The following FRRS1L variants were observed in gnomAD, a reference collection of about 807,000 sequenced individuals.
FRRS1L encodes DOMON domain-containing protein FRRS1L.
In FRRS1L, 22 loss-of-function variants were observed where a neutral mutation model predicts 28.6. That is an observed-to-expected ratio of 0.77 (90% CI 0.55 to 1.10). The LOEUF (loss-of-function observed/expected upper bound fraction) is 1.10, where lower values mean the gene tolerates loss of function less well. FRRS1L is among the 50% of genes least tolerant of loss of function. The probability of loss-of-function intolerance (pLI) is 0.00; values close to 1 mark genes in which losing one functional copy is unlikely to be tolerated. For synonymous variants in FRRS1L, 158 were observed against 151.4 expected, an observed-to-expected ratio of 1.04 and a Z score of -0.32; for missense variants, 380 against 386.9, an observed-to-expected ratio of 0.98 and a Z score of 0.15.
At chr9:109,164,014 C>T (rs1831511832) in intron 1 of FRRS1L, among the ~76,000 whole-genome samples, 1 of 152,198 alleles carries the variant, frequency 6.6e-6, no homozygotes, top group African/African-American at 2.4e-5. Flanking sequence ...TTCTGGGACA[C>T]CCCTCTCTCC....
chr9:109,149,715 G>C lies in FRRS1L; in HGVS notation c.244C>G (p.Pro82Ala), dbSNP rs761224976. Residue 82 changes from proline to alanine, a missense_variant, in exon 2 of 5, where the codon CCC becomes GCC. By Grantham distance (27) the Pro-to-Ala change is conservative. Coordinates refer to ENST00000561981, the MANE Select transcript of FRRS1L (RefSeq NM_014334.4). The stretch of plus-strand genomic sequence containing the variant: ...TCCACAGGAGGAGCAGTAGGGAAGG[G>C]GTAACCTGGGCAGTGAGAATAAAGA... ...DLRYLSEEGY[P>A]FPTAPPVDPF... 14 of 1,608,966 alleles carry C rather than the reference G, an allele frequency of 8.7e-6. No homozygotes were observed. The highest frequency in any genetic ancestry group is 1.7e-5 in the Admixed American group (1 of 59,972).
At chr9:109,162,321 C>CA (rs1831489486) in intron 1 of FRRS1L, among the ~76,000 whole-genome samples, 1 of 152,176 alleles carries the variant, frequency 6.6e-6, no homozygotes, top group African/African-American at 2.4e-5. Context: ...GTCTCAAAAA[C>CA]AAAAACGAAA....
At chr9:109,150,087 A>G (rs913460327) in intron 1 of FRRS1L, 1 of 162,382 alleles carries the variant, frequency 6.2e-6, no homozygotes, top group Admixed American at 6.3e-5. Context: ...TAACAGTGAT[A>G]CATTTATATA....
In FRRS1L at chr9:109,147,080, C is replaced by T; in HGVS notation, c.433G>A (p.Ala145Thr). The change falls in exon 3 of 5, where the codon GCA (alanine) becomes ACA (threonine). Residue 145 changes from alanine (A) to threonine (T), a missense_variant. Physicochemically the swap from Ala to Thr is moderately conservative, Grantham distance 58. Transcript: ENST00000561981. ...TTCTTGTCTGAAGAGAATCCAACTG[C>T]TACCCAACCATCTGTGTCTGCACTC... The part of the protein sequence containing the change: ...ELSADTDGWV[A>T]VGFSSDKKMG... The T allele has an allele frequency of 6.2e-7, 1 of 1,613,986 alleles. No homozygotes were observed. Among genetic ancestry groups the T allele is most frequent in the East Asian group, 2.2e-5 (1 of 44,888 alleles).
At chr9:109,159,346 T>C (rs1831452107) in intron 1 of FRRS1L, among the ~76,000 whole-genome samples, 1 of 152,178 alleles carries the variant, frequency 6.6e-6, no homozygotes, top group South Asian at 2.1e-4. Flanking sequence ...CCTGAATGTT[T>C]CTTTAAGCGT....
At chr9:109,150,058 T>C in intron 1 of FRRS1L, 1 of 182,564 alleles carries the variant, frequency 5.5e-6, no homozygotes, top group Non-Finnish European at 1.1e-5. Flanking sequence ...ACAATATACA[T>C]GTTCTAAGAG....
At chr9:109,144,293 T>C (rs1831226185) in intron 3 of FRRS1L, among the ~76,000 whole-genome samples, 1 of 152,198 alleles carries the variant, frequency 6.6e-6, no homozygotes, top group Admixed American at 6.5e-5. Flanking sequence ...AGCCACTGCT[T>C]AGACTGCTTA....
rs377165402 is a variant in FRRS1L, at chr9:109,141,502, C to T, written c.550G>A (p.Glu184Lys). The T allele has an allele frequency of 1.2e-6, 2 of 1,614,126 alleles. No homozygotes were observed. Among genetic ancestry groups the T allele is most frequent in the Non-Finnish European group, 1.7e-6 (2 of 1,180,012 alleles). Residue 184 changes from glutamate (E) to lysine (K), a missense_variant, in exon 4 of 5, where the codon GAG becomes AAG. Transcript: ENST00000561981. Reference protein sequence around the residue: ...HFYNVGQWAKEIQRNPARDEE... With the variant: ...HFYNVGQWAKKIQRNPARDEE... ...TCTCTGGCAGGGTTTCTCTGAATCT[C>T]CTTTGCCCACTGGCCTACATTATAG... is the stretch of plus-strand genomic sequence containing the variant.
intron 1 of FRRS1L, among the ~76,000 whole-genome samples, chr9:109,155,118 C>T (rs1285620086): frequency 6.6e-5 from 10 of 152,214 alleles, no homozygotes; most frequent in African/African-American, 2.4e-4. Flanking sequence ...ACTGCATTAG[C>T]CTGTTCATGG....
intron 3 of FRRS1L, among the ~76,000 whole-genome samples, chr9:109,146,809 G>A (rs1428264465): frequency 6.6e-6 from 1 of 152,146 alleles, no homozygotes; most frequent in African/African-American, 2.4e-5. Flanking sequence ...TTATAACATG[G>A]GGGCCTCTTC....
At position 109,147,060 on chromosome 9, in the gene FRRS1L, G is replaced by T. The variant is rs1430255629; in HGVS notation, c.453C>A (p.Asp151Glu). 4.3e-6 allele frequency: 7 copies of T among 1,613,644 alleles called. No individual in the cohort carries two copies. Among genetic ancestry groups the T allele is most frequent in the Non-Finnish European group, 5.9e-6 (7 of 1,179,724 alleles). Residue 151 changes from aspartate to glutamate, a missense_variant, in exon 3 of 5, where the codon GAC becomes GAA. Asp to Glu is a conservative substitution (Grantham distance 45, BLOSUM62 2). Coordinates refer to ENST00000561981, the MANE Select transcript of FRRS1L (RefSeq NM_014334.4). ...DGWVAVGFSS[D>E]KKMGGDDVMA... ...ATGTTTTGCATCTTACCATTTTCTT[G>T]TCTGAAGAGAATCCAACTGCTACCC...
At chr9:109,155,859 T>C (rs530741474) in intron 1 of FRRS1L, among the ~76,000 whole-genome samples, 42 of 152,146 alleles carry the variant, frequency 2.8e-4, no homozygotes, top group African/African-American at 9.9e-4. Flanking sequence ...GTTCTAAAAT[T>C]GATTGTGGTG....
At position 109,131,278 on chromosome 9, in the gene FRRS1L, A is replaced by G. The variant is rs1831054125; in HGVS notation, c.*6177T>C. Reference sequence around the variant, plus strand: ...AAGTCACATTCAACAGTGGTACTTTATATGTTCTTAACAATTCATATAATG... The same window carrying G: ...AAGTCACATTCAACAGTGGTACTTTGTATGTTCTTAACAATTCATATAATG... On this transcript the variant is annotated 3_prime_UTR_variant, in exon 5 of 5. Coordinates refer to ENST00000561981, the MANE Select transcript of FRRS1L (RefSeq NM_014334.4). The G allele has an allele frequency of 6.6e-6, 1 of 152,352 alleles. No individual in the cohort carries two copies. The allele number at this position is 152,352 out of a possible 1,614,324, so 9.4% of individuals were successfully genotyped here. A position where few individuals can be genotyped will look rare whatever the true frequency, so the allele number is the denominator to read the frequency against.
At chr9:109,166,277 C>T (rs1831547557) in intron 1 of FRRS1L, among the ~76,000 whole-genome samples, 1 of 152,088 alleles carries the variant, frequency 6.6e-6, no homozygotes, top group Non-Finnish European at 1.5e-5. Flanking sequence ...GTCTGCGGGC[C>T]CAGCAGGCCA....
intron 1 of FRRS1L, among the ~76,000 whole-genome samples, chr9:109,163,730 T>C (rs1436233586): frequency 6.6e-6 from 1 of 152,114 alleles, no homozygotes; most frequent in African/African-American, 2.4e-5. Context: ...ATTTGAGACA[T>C]AAGAAGGGGG....
intron 1 of FRRS1L, among the ~76,000 whole-genome samples, chr9:109,166,507 A>G (rs1010267579): frequency 6.6e-6 from 1 of 152,110 alleles, no homozygotes; most frequent in Admixed American, 6.5e-5. Flanking sequence ...GCTTCCCCCT[A>G]GCTGCCCTGG....
intron 3 of FRRS1L, among the ~76,000 whole-genome samples, chr9:109,144,207 T>C (rs567150101): frequency 3.3e-5 from 5 of 152,222 alleles, no homozygotes; most frequent in East Asian, 3.9e-4. Flanking sequence ...GTGGTACCCA[T>C]TGTCTTACTA....
At chr9:109,161,401 T>C (rs1206552883) in intron 1 of FRRS1L, among the ~76,000 whole-genome samples, 1 of 152,258 alleles carries the variant, frequency 6.6e-6, no homozygotes, top group African/African-American at 2.4e-5. Context: ...TTCTCCTTCC[T>C]TTTCTTTCCT....
chr9:109,140,565 G>T (rs1376959972), intron 4 of FRRS1L: 2 of 152,110 alleles, frequency 1.3e-5, no homozygotes, highest in Admixed American at 6.5e-5. Context: ...AATATTTAAG[G>T]AGTAATGGGT....
Sources: gnomAD v4.1 joint callset for allele counts (sites outside exome capture counted in the v4.1 genomes callset) on GRCh38, gnomAD v4.1.1 for gene constraint, MANE v1.5 for transcripts, NCBI Gene and HGNC (gene_info 2026-07-23, HGNC 2026-07-21) for gene names.